Variants in LEPR observed in about 807,000 individuals in gnomAD.
The protein encoded by LEPR is OB receptor.
A neutral mutation model predicts 114.7 loss-of-function variants in LEPR; 56 were observed. The observed-to-expected ratio is 0.49, with a 90% CI of 0.39 to 0.61. LEPR has a LOEUF of 0.61. Ranked by LOEUF, LEPR falls within the 20% of genes least tolerant of loss-of-function variation. LEPR has a pLI of 0.00. For missense variants in LEPR, 1,202 were observed against 1,352.9 expected (o/e 0.89, Z 1.75); for synonymous variants, 443 against 461.4 (o/e 0.96, Z 0.51).
At chr1:65,608,677 A>G in intron 11 of LEPR, 76 bp from the exon 12 acceptor site, 1 of 1,483,974 alleles carries the variant, frequency 6.7e-7, no homozygotes, top group Non-Finnish European at 9.2e-7. Flanking sequence ...CAGATGTATG[A>G]AAATATAACA....
chr1:65,499,510 T>G (rs1262697798), intron 2 of LEPR, among the ~76,000 whole-genome samples: 2 of 152,166 alleles, frequency 1.3e-5, no homozygotes, highest in African/African-American at 4.8e-5. Flanking sequence ...TTATTAGATA[T>G]GTGAATTCCG....
rs572203772 is a variant in LEPR at position 65,618,333 on chromosome 1, T to TCTTCTCTTC, written c.2395+187_2395+188insCTTCTCTTC. Among the ~76,000 whole-genome samples the TCTTCTCTTC allele has an allele frequency of 7.3e-3, 943 of 129,180 alleles. 29 individuals carry two copies. The East Asian group carries it at 0.12, about 17-fold the overall frequency. The allele number at this position is 129,180 out of a possible 152,430, so 84.7% of individuals were successfully genotyped here. A position where few individuals can be genotyped will look rare whatever the true frequency, so the allele number is the denominator to read the frequency against. On this transcript the variant is annotated intron_variant, in intron 16 of 19. Transcript: ENST00000349533. ...TCTTCCTCTTCTCTTCTCTTCTCTT[T>TCTTCTCTTC]TCTTTTCTTTTCGGCAGGGTCTCTC... is the stretch of plus-strand genomic sequence containing the variant.
intron 2 of LEPR, chr1:65,525,825 C>T: frequency 1.0e-6 from 1 of 985,664 alleles, no homozygotes; most frequent in Non-Finnish European, 1.2e-6. Context: ...CAAGGTGGGA[C>T]CTGCTTCCCT....
chr1:65,511,429 TACACACAC>T (rs5774756), intron 2 of LEPR, among the ~76,000 whole-genome samples: 1,607 of 147,688 alleles, frequency 0.011, 24 homozygotes, highest in Admixed American at 0.037. Context: ...TATATATGTA[TACACACAC>T]ACACACACAC....
At chr1:65,534,539 G>T (rs1361034598) in intron 2 of LEPR, among the ~76,000 whole-genome samples, 1 of 152,102 alleles carries the variant, frequency 6.6e-6, no homozygotes, top group Non-Finnish European at 1.5e-5. Flanking sequence ...ATAACAGAGT[G>T]CAAACAATAA....
At chr1:65,571,819 A>G (rs1654192137) in intron 4 of LEPR, among the ~76,000 whole-genome samples, 1 of 135,682 alleles carries the variant, frequency 7.4e-6, no homozygotes, top group African/African-American at 2.7e-5. Flanking sequence ...AAAAAAAAAA[A>G]ATTAACTGGG....
chr1:65,549,460 C>T (rs369717208), intron 2 of LEPR, among the ~76,000 whole-genome samples: 6 of 152,126 alleles, frequency 3.9e-5, no homozygotes, highest in South Asian at 2.1e-4. Flanking sequence ...CAATCAGACG[C>T]AGATTTGGTC....
Position 65,605,210 on chromosome 1 carries a change from C to G in LEPR, c.1576C>G (p.Pro526Ala), listed in dbSNP as rs1170770821. The G allele has an allele frequency of 1.2e-6, 2 of 1,614,006 alleles. No homozygotes were observed. The highest frequency in any genetic ancestry group is 1.7e-6 in the Non-Finnish European group (2 of 1,180,022). ...NHSLGSLDSP[P>A]TCVLPDSVVK... is the part of the protein sequence containing the mutation. ...CTCTCTAGGTTCACTTGACTCTCCACCAACATGTGTCCTTCCTGATTCTGT... is the reference window on the plus strand; with the variant it reads ...CTCTCTAGGTTCACTTGACTCTCCAGCAACATGTGTCCTTCCTGATTCTGT... Residue 526 changes from proline (P) to alanine (A), a missense_variant, in exon 11 of 20, where the codon CCA becomes GCA. Pro to Ala is a conservative substitution (Grantham distance 27, BLOSUM62 -1). Transcript: ENST00000349533.
chr1:65,598,721 A>G lies in LEPR; in HGVS notation c.911A>G (p.Tyr304Cys). 6.2e-7 allele frequency: 1 copy of G among 1,613,474 alleles called. No individual in the cohort carries two copies. The part of the protein sequence containing the change: ...LVDSILPGSS[Y>C]EVQVRGKRLD... Reference sequence around the variant, plus strand: ...GACAGTATACTTCCTGGGTCTTCGTATGAGGTTCAGGTGAGGGGCAAGAGA... The same window carrying G: ...GACAGTATACTTCCTGGGTCTTCGTGTGAGGTTCAGGTGAGGGGCAAGAGA... Residue 304 changes from tyrosine to cysteine, a missense_variant, in exon 8 of 20, where the codon TAT becomes TGT. By Grantham distance (194) the Tyr-to-Cys change is radical (BLOSUM62 -2). Transcript: ENST00000349533.
intron 2 of LEPR, among the ~76,000 whole-genome samples, chr1:65,436,872 C>G (rs1038436583): frequency 1.3e-5 from 2 of 152,224 alleles, no homozygotes; most frequent in Non-Finnish European, 2.9e-5. Context: ...GCTGGATAAT[C>G]ATTGCACTTA....
intron 2 of LEPR, among the ~76,000 whole-genome samples, chr1:65,532,611 C>G (rs548646293): frequency 6.1e-4 from 93 of 152,022 alleles, no homozygotes; most frequent in Non-Finnish European, 9.7e-4. Flanking sequence ...AATGGATAAA[C>G]AAACTGAGGT....
chr1:65,509,956 C>G (rs1030059023), intron 2 of LEPR, among the ~76,000 whole-genome samples: 2 of 152,128 alleles, frequency 1.3e-5, no homozygotes. Flanking sequence ...TTAGAGAACT[C>G]AAGAATTTTC....
intron 2 of LEPR, among the ~76,000 whole-genome samples, chr1:65,510,198 T>A (rs1648959692): frequency 6.6e-6 from 1 of 152,164 alleles, no homozygotes; most frequent in Non-Finnish European, 1.5e-5. Context: ...CATCTACATA[T>A]CTCCCATTCC....
At chr1:65,487,387 G>C (rs1647546462) in intron 2 of LEPR, among the ~76,000 whole-genome samples, 1 of 152,040 alleles carries the variant, frequency 6.6e-6, no homozygotes, top group African/African-American at 2.4e-5. Context: ...AGAACATTTT[G>C]CCTACTGTCT....
chr1:65,425,745 C>T (rs769012330), intron 2 of LEPR, among the ~76,000 whole-genome samples: 13 of 152,210 alleles, frequency 8.5e-5, no homozygotes, highest in Admixed American at 3.3e-4. Flanking sequence ...CGCTGGAGCT[C>T]GGATAAAGTG....
At chr1:65,536,147 G>C (rs761468671) in intron 2 of LEPR, among the ~76,000 whole-genome samples, 3 of 152,168 alleles carry the variant, frequency 2.0e-5, no homozygotes, top group Non-Finnish European at 4.4e-5. Flanking sequence ...TCATGGAGCA[G>C]ATCCCCAAAG....
chr1:65,462,063 A>G (rs551975649), intron 2 of LEPR, among the ~76,000 whole-genome samples: 3 of 152,310 alleles, frequency 2.0e-5, no homozygotes, highest in Admixed American at 6.5e-5. Context: ...ACGTAGGTAT[A>G]CATGTGCCAT....
intron 1 of LEPR, among the ~76,000 whole-genome samples, chr1:65,423,562 G>A (rs1280627648): frequency 6.6e-6 from 1 of 152,148 alleles, no homozygotes. Context: ...GAATGAAATA[G>A]TATGTGGTAT....
intron 19 of LEPR, among the ~76,000 whole-genome samples, chr1:65,623,703 T>G (rs1658020570): frequency 1.3e-5 from 2 of 149,752 alleles, no homozygotes; most frequent in Non-Finnish European, 2.9e-5. Flanking sequence ...CCAGGTTTGG[T>G]GATTGCATCT....
Sources: allele counts gnomAD v4.1 joint callset (sites outside exome capture counted in the v4.1 genomes callset), GRCh38; gene constraint gnomAD v4.1.1; transcripts MANE v1.5; gene names NCBI Gene and HGNC (gene_info 2026-07-23, HGNC 2026-07-21).